SDK1: variants seen among roughly 807,000 people sequenced by gnomAD.
The protein encoded by SDK1 is protein sidekick-1.
A neutral mutation model predicts 245.5 loss-of-function variants in SDK1; 157 were observed. The observed-to-expected ratio is 0.64, with a 90% CI of 0.56 to 0.73. The LOEUF (loss-of-function observed/expected upper bound fraction) is 0.73, where lower values mean the gene tolerates loss of function less well. Among genes scored for constraint, SDK1 ranks in the 30% least tolerant of loss-of-function variants. The pLI, the probability that SDK1 is intolerant of heterozygous loss-of-function variation, is 0.00. For synonymous variants in SDK1, 1,647 were observed against 1,278.5 expected, an observed-to-expected ratio of 1.29 and a Z score of -6.15; for missense variants, 3,583 against 3,002.3, an observed-to-expected ratio of 1.19 and a Z score of -4.52.
intron 4 of SDK1, among the ~76,000 whole-genome samples, chr7:3,809,298 A>G (rs1224817651): frequency 1.3e-5 from 2 of 152,138 alleles, no homozygotes; most frequent in Non-Finnish European, 2.9e-5. Flanking sequence ...ATGGTGCTAA[A>G]TATTCATGAG....
intron 4 of SDK1, among the ~76,000 whole-genome samples, chr7:3,818,719 A>T (rs948376491): frequency 2.0e-5 from 3 of 152,230 alleles, no homozygotes; most frequent in Non-Finnish European, 2.9e-5. Flanking sequence ...AGGCTGCTGG[A>T]TGGTTGGTTC....
intron 4 of SDK1, among the ~76,000 whole-genome samples, chr7:3,779,075 CT>C (rs1459270043): frequency 6.6e-6 from 1 of 152,052 alleles, no homozygotes; most frequent in Non-Finnish European, 1.5e-5. Context: ...ATGGATGTTC[CT>C]TTTTTATCAT....
At chr7:3,917,282 A>G (rs2128111280) in intron 5 of SDK1, among the ~76,000 whole-genome samples, 1 of 152,250 alleles carries the variant, frequency 6.6e-6, no homozygotes, top group Non-Finnish European at 1.5e-5. Context: ...TTCATTATGC[A>G]CTTAGCTAAT....
intron 1 of SDK1, among the ~76,000 whole-genome samples, chr7:3,422,724 G>T (rs189392588): frequency 8.5e-5 from 13 of 152,260 alleles, no homozygotes; most frequent in African/African-American, 2.9e-4. Context: ...CAACACAGGA[G>T]TTGGGCTGGC....
At chr7:4,193,841 T>G (rs546522946) in intron 35 of SDK1, among the ~76,000 whole-genome samples, 6 of 152,268 alleles carry the variant, frequency 3.9e-5, no homozygotes, top group Admixed American at 3.3e-4. Flanking sequence ...GCATTGAACT[T>G]AGGAGCAACC....
chr7:4,148,374 T>C (rs1372797735), intron 29 of SDK1, among the ~76,000 whole-genome samples: 1 of 152,172 alleles, frequency 6.6e-6, no homozygotes, highest in Admixed American at 6.5e-5. Flanking sequence ...ATCGATGGGG[T>C]GCAGAGGCAC....
intron 22 of SDK1, among the ~76,000 whole-genome samples, chr7:4,109,237 C>T (rs1343032908): frequency 6.6e-6 from 1 of 152,162 alleles, no homozygotes; most frequent in Non-Finnish European, 1.5e-5. Flanking sequence ...GGAGGAGCCA[C>T]TGACCATGTG....
At chr7:3,915,691 C>G (rs1779350406) in intron 5 of SDK1, among the ~76,000 whole-genome samples, 1 of 152,108 alleles carries the variant, frequency 6.6e-6, no homozygotes, top group South Asian at 2.1e-4. Flanking sequence ...AATACATACA[C>G]TAACCAAGCA....
chr7:3,444,907 G>A (rs559402254), intron 1 of SDK1, among the ~76,000 whole-genome samples: 228 of 152,296 alleles, frequency 1.5e-3, no homozygotes, highest in Non-Finnish European at 2.5e-3. Context: ...TCTATGTGAT[G>A]TAGAGTAATA....
rs544917355 is a variant in SDK1, at chr7:4,099,154, T to G, written c.3325-11509T>G. Among the ~76,000 whole-genome samples the G allele has an allele frequency of 9.7e-4, 147 of 151,852 alleles. 1 individual carries two copies. Among genetic ancestry groups the G allele is most frequent in the Non-Finnish European group, 2.0e-3 (134 of 67,994 alleles). ...AGTCTTTCGATGGGAGGGAAGACAT[T>G]CCAGGCACAGAGAAGAGAGGAATGA... On this transcript the variant is annotated intron_variant, in intron 22 of 44. Coordinates refer to ENST00000404826, the MANE Select transcript of SDK1 (RefSeq NM_152744.4).
chr7:3,645,163 C>T (rs537637349), intron 4 of SDK1, among the ~76,000 whole-genome samples: 54 of 152,262 alleles, frequency 3.5e-4, no homozygotes, highest in African/African-American at 1.3e-3. Context: ...TTTAAACTTG[C>T]AAATACATGC....
chr7:3,772,967 T>G (rs1320466970), intron 4 of SDK1, among the ~76,000 whole-genome samples: 1 of 152,350 alleles, frequency 6.6e-6, no homozygotes, highest in East Asian at 1.9e-4. Context: ...ATTTCAAGAT[T>G]CTGTCTTTGT....
chr7:3,842,710 C>T (rs926332653), intron 5 of SDK1, among the ~76,000 whole-genome samples: 1 of 152,140 alleles, frequency 6.6e-6, no homozygotes, highest in Non-Finnish European at 1.5e-5. Context: ...CCTAGACCAG[C>T]TAAAATGCTG....
At chr7:4,015,775 C>T (rs1349483969) in intron 16 of SDK1, among the ~76,000 whole-genome samples, 2 of 152,178 alleles carry the variant, frequency 1.3e-5, no homozygotes, top group South Asian at 2.1e-4. Context: ...GCCACTTGCT[C>T]CTTTCAGGCA....
At chr7:3,398,787 C>G (rs1324169200) in intron 1 of SDK1, among the ~76,000 whole-genome samples, 1 of 129,028 alleles carries the variant, frequency 7.8e-6, no homozygotes, top group South Asian at 2.8e-4. Flanking sequence ...TTTTTTTTTC[C>G]TCAAGCTAGT....
chr7:3,579,317 G>C (rs1372427435), intron 1 of SDK1, among the ~76,000 whole-genome samples: 4 of 152,116 alleles, frequency 2.6e-5, no homozygotes, highest in African/African-American at 9.7e-5. Context: ...CAGCACAAAA[G>C]GACTCCACCA....
At chr7:3,978,649 G>A (rs908254728) in intron 13 of SDK1, among the ~76,000 whole-genome samples, 2 of 152,056 alleles carry the variant, frequency 1.3e-5, no homozygotes, top group African/African-American at 4.8e-5. Context: ...GCAATAGAAT[G>A]ATAATAATAA....
chr7:3,605,840 A>C (rs531523841), intron 1 of SDK1, among the ~76,000 whole-genome samples: 30 of 152,200 alleles, frequency 2.0e-4, no homozygotes, highest in African/African-American at 6.7e-4. Flanking sequence ...CTTCTGATCA[A>C]ATTAAGTTGT....
At chr7:3,743,814 T>C (rs1402277765) in intron 4 of SDK1, among the ~76,000 whole-genome samples, 1 of 152,136 alleles carries the variant, frequency 6.6e-6, no homozygotes, top group Admixed American at 6.5e-5. Context: ...GATATCATTG[T>C]ATGAAAGGGC....
Sources: gnomAD v4.1 joint callset for allele counts (sites outside exome capture counted in the v4.1 genomes callset) on GRCh38, gnomAD v4.1.1 for gene constraint, MANE v1.5 for transcripts, NCBI Gene and HGNC (gene_info 2026-07-23, HGNC 2026-07-21) for gene names.